Variants in PCNX1 observed in about 807,000 individuals in gnomAD.
PCNX1 encodes the protein pecanex 1.
PCNX1 carries 78 observed loss-of-function variants against 242.2 expected under a neutral mutation model. That is an observed-to-expected ratio of 0.32 (90% CI 0.27 to 0.39). The LOEUF is 0.39. PCNX1 is among the 10% of genes least tolerant of loss of function. The pLI, the probability that PCNX1 is intolerant of heterozygous loss-of-function variation, is 1.00. For synonymous variants in PCNX1, 1,024 were observed against 1,032.9 expected, an observed-to-expected ratio of 0.99 and a Z score of 0.17; for missense variants, 2,581 against 2,856.5, an observed-to-expected ratio of 0.90 and a Z score of 2.20.
At chr14:71,098,367 G>GAAAA (rs2062357082) in intron 30 of PCNX1, among the ~76,000 whole-genome samples, 3 of 152,134 alleles carry the variant, frequency 2.0e-5, no homozygotes, top group Admixed American at 6.5e-5. Flanking sequence ...ATTGCCTTGG[G>GAAAA]CAGTATGGCT....
chr14:71,076,186 T>C lies in PCNX1; in HGVS notation c.5107-3T>C. The C allele has an allele frequency of 6.4e-7, 1 of 1,555,750 alleles. No individual in the cohort carries two copies. The highest frequency in any genetic ancestry group is 8.9e-7 in the Non-Finnish European group (1 of 1,127,134). ...TCTTTTTTTTTTGTCTTGTTCATGT[T>C]AGGGTATCATTTATTATGTTACGAC... On this transcript the variant is annotated splice_region_variant and splice_polypyrimidine_tract_variant and intron_variant, in intron 27 of 35. Transcript: ENST00000304743.
At chr14:70,957,588 T>C (rs1291153979) in intron 2 of PCNX1, among the ~76,000 whole-genome samples, 1 of 152,180 alleles carries the variant, frequency 6.6e-6, no homozygotes, top group Non-Finnish European at 1.5e-5. Context: ...AAAGACAGAA[T>C]GTAAATTAAT....
rs116531517 is a variant in PCNX1 at position 70,982,484 on chromosome 14, G to A, written c.2311+3836G>A. Among the ~76,000 whole-genome samples, 750 of 152,224 alleles carry A rather than the reference G, an allele frequency of 4.9e-3. 6 individuals are homozygous for A. The highest frequency in any genetic ancestry group is 0.017 in the African/African-American group (712 of 41,520). On this transcript the variant is annotated intron_variant, in intron 6 of 35. Coordinates refer to ENST00000304743, the MANE Select transcript of PCNX1 (RefSeq NM_014982.3). ...AATAGTGTTCAAAGACATCATAATA[G>A]CATAACTTAATACTGTATTAAAGTA...
chr14:71,000,669 G>A (rs1450227819), intron 8 of PCNX1, among the ~76,000 whole-genome samples: 1 of 151,924 alleles, frequency 6.6e-6, no homozygotes, highest in African/African-American at 2.4e-5. Flanking sequence ...TGGGATTATA[G>A]GCATGTGCCA....
chr14:70,987,811 A>G (rs1424771732), intron 6 of PCNX1, among the ~76,000 whole-genome samples: 3 of 152,326 alleles, frequency 2.0e-5, no homozygotes, highest in Non-Finnish European at 2.9e-5. Context: ...AAAAAGTACA[A>G]ACAATAAAGT....
At chr14:71,089,919 A>T (rs1566793942) in intron 30 of PCNX1, among the ~76,000 whole-genome samples, 2 of 152,284 alleles carry the variant, frequency 1.3e-5, no homozygotes, top group East Asian at 3.9e-4. Context: ...GAATATTAAC[A>T]TTAGAGAGTG....
chr14:70,977,592 G>C lies in PCNX1; in HGVS notation c.1255G>C (p.Glu419Gln), dbSNP rs2058722605. Reference protein sequence around the residue: ...HIESILSEHEESPKAGTKSGR... With the variant: ...HIESILSEHEQSPKAGTKSGR... ...AGAGAGCATCCTGTCAGAGCATGAGGAGTCTCCTAAAGCAGGAACAAAAAG... is the reference window on the plus strand; with the variant it reads ...AGAGAGCATCCTGTCAGAGCATGAGCAGTCTCCTAAAGCAGGAACAAAAAG... Residue 419 changes from glutamate (E) to glutamine (Q), a missense_variant, in exon 6 of 36, where the codon GAG becomes CAG. Physicochemically the swap from Glu to Gln is conservative, Grantham distance 29. This residue lies in a region of PCNX1 where 1,204 missense variants were observed against 1,216.7 expected (regional missense o/e 0.99). Coordinates refer to ENST00000304743, the MANE Select transcript of PCNX1 (RefSeq NM_014982.3). The C allele has an allele frequency of 6.2e-7, 1 of 1,614,080 alleles. No homozygotes were observed. The highest frequency in any genetic ancestry group is 8.5e-7 in the Non-Finnish European group (1 of 1,180,058).
chr14:70,910,346 A>T (rs1270574878), intron 1 of PCNX1, among the ~76,000 whole-genome samples: 1 of 150,282 alleles, frequency 6.7e-6, no homozygotes, highest in African/African-American at 2.5e-5. Flanking sequence ...TTTGTTCTTT[A>T]TTCTCCACAC....
Position 71,028,680 on chromosome 14 carries a change from C to T in PCNX1, c.3467-20C>T. 2.1e-6 allele frequency: 3 copies of T among 1,455,400 alleles called. No individual in the cohort carries two copies. Among genetic ancestry groups the T allele is most frequent in the Admixed American group, 1.9e-5 (1 of 51,936 alleles). The allele number at this position is 1,455,400 out of a possible 1,614,324, so 90.2% of individuals were successfully genotyped here. Reference sequence around the variant, plus strand: ...TATATTTTTATAAAATGTTTCTTACCTTTTCCTTTTCCTGTCTAGCCACTA... The same window carrying T: ...TATATTTTTATAAAATGTTTCTTACTTTTTCCTTTTCCTGTCTAGCCACTA... On this transcript the variant is annotated intron_variant, in intron 15 of 35. Transcript: ENST00000304743.
intron 19 of PCNX1, among the ~76,000 whole-genome samples, chr14:71,037,672 G>C (rs2060580834): frequency 6.6e-6 from 1 of 151,722 alleles, no homozygotes; most frequent in South Asian, 2.1e-4. Context: ...TTTTTGATGT[G>C]CTGCTGGATT....
At position 70,978,634 on chromosome 14, in the gene PCNX1, A is replaced by G. The variant is rs2058749071; in HGVS notation, c.2297A>G (p.Asp766Gly). Residue 766 changes from aspartate to glycine, a missense_variant, in exon 6 of 36, where the codon GAT becomes GGT. By Grantham distance (94) the Asp-to-Gly change is moderately conservative. This residue lies in a region of PCNX1 where 1,204 missense variants were observed against 1,216.7 expected (regional missense o/e 0.99). Coordinates refer to ENST00000304743, the MANE Select transcript of PCNX1 (RefSeq NM_014982.3). The stretch of plus-strand genomic sequence containing the variant: ...GCATTTCCTGAAGGGGAAGAGCAAG[A>G]TGCAGTCAGTGGAGGTAAGTAAACT... ...QVAFPEGEEQ[D>G]AVSGAAQASE... 3 of 1,611,922 alleles carry G rather than the reference A, an allele frequency of 1.9e-6. No individual in the cohort carries two copies. The highest frequency in any genetic ancestry group is 2.5e-6 in the Non-Finnish European group (3 of 1,178,930).
intron 9 of PCNX1, 50 bp from the exon 10 acceptor site, chr14:71,011,442 A>G (rs777312829): frequency 1.1e-5 from 11 of 996,070 alleles, no homozygotes; most frequent in Admixed American, 3.8e-5. Context: ...TAAAGGATAT[A>G]TTTTTCTTTC....
chr14:70,993,355 C>T (rs1222319151), intron 7 of PCNX1, among the ~76,000 whole-genome samples: 2 of 151,810 alleles, frequency 1.3e-5, no homozygotes, highest in Admixed American at 1.3e-4. Flanking sequence ...GTCTCGATCT[C>T]CTGACCTTGT....
intron 19 of PCNX1, 78 bp from the exon 20 acceptor site, chr14:71,045,055 A>G: frequency 9.6e-7 from 1 of 1,043,682 alleles, no homozygotes; most frequent in Non-Finnish European, 1.4e-6. Context: ...CAGATGGAAA[A>G]TTGAACTGAC....
chr14:71,002,169 A>G (rs966662624), intron 8 of PCNX1, among the ~76,000 whole-genome samples: 4 of 152,198 alleles, frequency 2.6e-5, no homozygotes, highest in African/African-American at 9.7e-5. Context: ...GGTAGTAATG[A>G]ACTTTCTTCT....
intron 1 of PCNX1, among the ~76,000 whole-genome samples, chr14:70,930,901 A>G (rs763564565): frequency 6.6e-5 from 10 of 152,104 alleles, no homozygotes; most frequent in Admixed American, 1.3e-4. Flanking sequence ...TCAATCCCCA[A>G]AGGAGACTGT....
intron 11 of PCNX1, among the ~76,000 whole-genome samples, chr14:71,015,342 TA>T (rs2059933645): frequency 6.6e-6 from 1 of 152,208 alleles, no homozygotes; most frequent in East Asian, 1.9e-4. Flanking sequence ...CTTTAAGAGG[TA>T]ACTGTTTAAA....
At chr14:71,106,513 CTT>C (rs751543481) in intron 33 of PCNX1, among the ~76,000 whole-genome samples, 12 of 150,476 alleles carry the variant, frequency 8.0e-5, no homozygotes, top group Admixed American at 6.6e-4. Context: ...GAATAAGACT[CTT>C]GATATATAAT....
intron 2 of PCNX1, among the ~76,000 whole-genome samples, chr14:70,954,641 C>G (rs1374501599): frequency 6.6e-6 from 1 of 152,036 alleles, no homozygotes; most frequent in Admixed American, 6.6e-5. Flanking sequence ...CCTAAAATGT[C>G]GCAGTTTATT....
Sources: allele counts gnomAD v4.1 joint callset (sites outside exome capture counted in the v4.1 genomes callset), GRCh38; gene constraint gnomAD v4.1.1; regional missense constraint gnomAD v4.1.1; transcripts MANE v1.5; gene names NCBI Gene and HGNC (gene_info 2026-07-23, HGNC 2026-07-21).